The following SNX19 variants were observed in gnomAD, a reference collection of about 807,000 sequenced individuals.
The protein encoded by SNX19 is sorting nexin-19.
SNX19 carries 60 observed loss-of-function variants against 85.2 expected under a neutral mutation model. That is an observed-to-expected ratio of 0.70 (90% confidence interval 0.57 to 0.87). SNX19 has a LOEUF of 0.87. SNX19 is among the 40% of genes least tolerant of loss of function. The pLI, the probability that SNX19 is intolerant of heterozygous loss-of-function variation, is 0.00. For missense variants in SNX19, 1,201 were observed against 1,217.8 expected (o/e 0.99, Z 0.21); for synonymous variants, 520 against 470.0 (o/e 1.11, Z -1.38).
chr11:130,905,554 G>A, intron 7 of SNX19: 10 of 865,034 alleles, frequency 1.2e-5, no homozygotes, highest in Non-Finnish European at 1.7e-5. Context: ...GTGGATCATG[G>A]AGCCAACAGA....
In SNX19 at chr11:130,915,703, C is replaced by G. The variant is rs755818777; in HGVS notation, c.237G>C (p.Leu79=). ...AGGTGGCCAACGGGATGAAGCGTTCCAGATGCAGTCGACCTGAAGCCACTC... is the reference window on the plus strand; with the variant it reads ...AGGTGGCCAACGGGATGAAGCGTTCGAGATGCAGTCGACCTGAAGCCACTC... ...LAGVASGRLH[L]ERFIPLATCP... The change falls in exon 1 of 11, where the codon CTG becomes CTC. Residue 79 remains leucine (L), a synonymous_variant. Transcript: ENST00000265909. 42 of 1,614,228 alleles carry G rather than the reference C, an allele frequency of 2.6e-5. No individual in the cohort carries two copies. The highest frequency in any genetic ancestry group is 3.6e-5 in the Non-Finnish European group (42 of 1,180,046).
Position 130,915,862 on chromosome 11 carries a change from G to C in SNX19, c.78C>G (p.Ser26Arg), listed in dbSNP as rs76306531. The C allele has an allele frequency of 2.5e-4, 407 of 1,614,200 alleles. 1 individual carries two copies. The African/African-American group carries it at 4.5e-3, about 18-fold the overall frequency. ...AGACCCCCACAGCCATCAGCTTCCG[G>C]CTACTCAACAGGTTATTGAGGTGAC... ...SSCHLNNLLSSRKLMAVGVLL... is the reference protein window; with the variant it reads ...SSCHLNNLLSRRKLMAVGVLL... The change falls in exon 1 of 11, where the codon AGC (serine) becomes AGG (arginine). Residue 26 changes from serine (S) to arginine (R), a missense_variant. Coordinates refer to ENST00000265909, the MANE Select transcript of SNX19 (RefSeq NM_014758.3).
rs1263177300 is a variant in SNX19 at position 130,873,462 on chromosome 11, A to G, written c.*4960T>C. Among the ~76,000 whole-genome samples, 1 of 152,166 alleles carries G rather than the reference A, an allele frequency of 6.6e-6. No homozygotes were observed. Among genetic ancestry groups the G allele is most frequent in the Non-Finnish European group, 1.5e-5 (1 of 68,034 alleles). On this transcript the variant is annotated 3_prime_UTR_variant, in exon 11 of 11. Coordinates refer to ENST00000265909, the MANE Select transcript of SNX19 (RefSeq NM_014758.3). The stretch of plus-strand genomic sequence containing the variant: ...GTAAGGTAGAAGGGCAGTTTAGTAT[A>G]GTGGATATACTACGTAGACTCAGAG...
chr11:130,887,277 C>T (rs1944156410), intron 8 of SNX19, among the ~76,000 whole-genome samples: 1 of 152,168 alleles, frequency 6.6e-6, no homozygotes, highest in Non-Finnish European at 1.5e-5. Flanking sequence ...GAAGGAACTT[C>T]AAAAAATCAT....
Position 130,915,630 on chromosome 11 carries a change from G to A in SNX19, c.310C>T (p.Arg104Cys), listed in dbSNP as rs201052866. 1.0e-4 allele frequency: 163 copies of A among 1,614,124 alleles called. No homozygotes were observed. Among genetic ancestry groups the A allele is most frequent in the Admixed American group, 1.3e-4 (8 of 60,012 alleles). The change falls in exon 1 of 11, where the codon CGC becomes TGC. Residue 104 changes from arginine (R) to cysteine (C), a missense_variant. This residue lies in a region of SNX19 where 791 missense variants were observed against 750.9 expected (regional missense o/e 1.05). Transcript: ENST00000265909. ...AERQLEREIN[R>C]TIQMIIRDFV... ...TCTCGAATAATCATCTGGATGGTGCGGTTGATCTCCCGTTCCAGCTGCCTT... is the reference window on the plus strand; with the variant it reads ...TCTCGAATAATCATCTGGATGGTGCAGTTGATCTCCCGTTCCAGCTGCCTT...
At position 130,878,565 on chromosome 11, in the gene SNX19, T is replaced by C. The variant is rs564725987; in HGVS notation, c.2847-11A>G. 138 of 1,611,266 alleles carry C rather than the reference T, an allele frequency of 8.6e-5. No homozygotes were observed. In the South Asian group the frequency reaches 1.4e-3, roughly 17 times the overall value. On this transcript the variant is annotated splice_polypyrimidine_tract_variant and intron_variant, in intron 10 of 10. Transcript: ENST00000265909. Reference sequence around the variant, plus strand: ...CAGTAAATCAAATGCCTGAAACGAATGGACAAAAAACTTAGGGTCTGGCTC... The same window carrying C: ...CAGTAAATCAAATGCCTGAAACGAACGGACAAAAAACTTAGGGTCTGGCTC...
chr11:130,889,933 G>A (rs562315053), intron 8 of SNX19, among the ~76,000 whole-genome samples: 1 of 152,152 alleles, frequency 6.6e-6, no homozygotes, highest in Admixed American at 6.5e-5. Flanking sequence ...AAAAAAAGTT[G>A]AAAATATAAT....
At chr11:130,898,580 A>T (rs1945038860) in intron 8 of SNX19, among the ~76,000 whole-genome samples, 1 of 152,146 alleles carries the variant, frequency 6.6e-6, no homozygotes, top group African/African-American at 2.4e-5. Flanking sequence ...TGGGGATGGG[A>T]GGCAACGGGA....
rs1254416721 is a variant in SNX19 at position 130,903,256 on chromosome 11, TTTGAACTAGGGTCCC to T, written c.2557_2571del (p.Gly853_Gln857del). 2.5e-6 allele frequency: 4 copies of T among 1,613,510 alleles called. No individual in the cohort carries two copies. Among genetic ancestry groups the T allele is most frequent in the Non-Finnish European group, 3.4e-6 (4 of 1,179,624 alleles). ...TGAGGGAGAATTCAGCAGTCTTACC[TTTGAACTAGGGTCCC>T]AAAGATAAGACGAAGAAACTTTTGC... is the stretch of plus-strand genomic sequence containing the variant. On this transcript the variant is annotated inframe_deletion and splice_region_variant, in exon 8 of 11. Transcript: ENST00000265909.
chr11:130,892,907 G>A (rs1200089588), intron 8 of SNX19: 3 of 152,258 alleles, frequency 2.0e-5, no homozygotes, highest in Non-Finnish European at 2.9e-5. Flanking sequence ...AGAGAGGTGG[G>A]GTGGGGAAGG....
intron 8 of SNX19, among the ~76,000 whole-genome samples, chr11:130,892,109 G>C (rs529844879): frequency 8.1e-4 from 122 of 151,026 alleles, no homozygotes; most frequent in African/African-American, 2.6e-3. Flanking sequence ...CTCCCAAAGT[G>C]CTGGGATTAC....
chr11:130,874,224 A>G lies in SNX19; in HGVS notation c.*4198T>C, dbSNP rs1943135496. 1.3e-5 allele frequency among the ~76,000 whole-genome samples: 2 copies of G among 152,048 alleles called. No individual in the cohort carries two copies. On this transcript the variant is annotated 3_prime_UTR_variant, in exon 11 of 11. Coordinates refer to ENST00000265909, the MANE Select transcript of SNX19 (RefSeq NM_014758.3). ...TTTTTTGTAGAGACAGGGTCTTGCTATGTTCCAGGCTGGTCTTAAACTCCT... is the reference window on the plus strand; with the variant it reads ...TTTTTTGTAGAGACAGGGTCTTGCTGTGTTCCAGGCTGGTCTTAAACTCCT...
chr11:130,867,386 A>G lies in SNX19; in HGVS notation c.*11036T>C, dbSNP rs6590519. ...CTCTGGGACATGAACATAAAAGTGC[A>G]ACCTAGATGATCAGTGCCACCACCA... On this transcript the variant is annotated 3_prime_UTR_variant, in exon 11 of 11. Coordinates refer to ENST00000265909, the MANE Select transcript of SNX19 (RefSeq NM_014758.3). 0.8 allele frequency: 121,413 copies of G among 152,158 alleles called. 49,046 individuals are homozygous for G. The highest frequency in any genetic ancestry group is 0.92 in the African/African-American group (38,144 of 41,530). 9.4% of individuals were successfully genotyped at this position (152,158 alleles called of 1,614,324 possible).
chr11:130,896,552 T>C (rs778483067), intron 8 of SNX19, among the ~76,000 whole-genome samples: 17 of 152,120 alleles, frequency 1.1e-4, no homozygotes, highest in Non-Finnish European at 1.9e-4. Context: ...GTGGGAAAGC[T>C]TGCATGGAGG....
At chr11:130,904,576 C>G (rs550807801) in intron 7 of SNX19, among the ~76,000 whole-genome samples, 1 of 152,286 alleles carries the variant, frequency 6.6e-6, no homozygotes, top group South Asian at 2.1e-4. Context: ...TTGTATGATT[C>G]TCTCAGGTTT....
chr11:130,894,591 C>T, intron 8 of SNX19: 1 of 975,192 alleles, frequency 1.0e-6, no homozygotes. Context: ...ATTGTTTAAC[C>T]TGCAGCGCCA....
At chr11:130,886,759 G>A (rs898350641) in intron 8 of SNX19, among the ~76,000 whole-genome samples, 14 of 152,268 alleles carry the variant, frequency 9.2e-5, no homozygotes, top group African/African-American at 3.4e-4. Flanking sequence ...CTCTGATGCC[G>A]TTCCCAGGCC....
intron 8 of SNX19, among the ~76,000 whole-genome samples, chr11:130,889,805 C>T (rs534764116): frequency 9.2e-5 from 14 of 152,176 alleles, no homozygotes; most frequent in African/African-American, 3.1e-4. Flanking sequence ...AGAAGTTCAC[C>T]ATGTGAATAA....
intron 8 of SNX19, among the ~76,000 whole-genome samples, chr11:130,895,691 G>A (rs1035821092): frequency 6.6e-6 from 1 of 152,088 alleles, no homozygotes; most frequent in Non-Finnish European, 1.5e-5. Context: ...ACCTCTATTT[G>A]AGTATATGAG....
Sources: gnomAD v4.1 joint callset for allele counts (sites outside exome capture counted in the v4.1 genomes callset) on GRCh38, gnomAD v4.1.1 for gene constraint, gnomAD v4.1.1 regional missense constraint, MANE v1.5 for transcripts, NCBI Gene and HGNC (gene_info 2026-07-23, HGNC 2026-07-21) for gene names.